MARCHF1: variants seen among roughly 807,000 people sequenced by gnomAD.
The protein encoded by MARCHF1 is E3 ubiquitin-protein ligase MARCHF1.
In MARCHF1, 40 loss-of-function variants were observed where a neutral mutation model predicts 54.2. The ratio of observed to expected loss-of-function variants is 0.74; its 90% CI spans 0.57 to 0.96. MARCHF1 has a LOEUF of 0.96. Ranked by LOEUF, MARCHF1 falls within the 40% of genes least tolerant of loss-of-function variation. The pLI is 0.00. For missense variants in MARCHF1, 586 were observed against 656.5 expected, an observed-to-expected ratio of 0.89 and a Z score of 1.17; for synonymous variants, 236 against 236.3, an observed-to-expected ratio of 1.00 and a Z score of 0.01.
At chr4:163,894,753 CAT>C (rs1162313737) in intron 3 of MARCHF1, among the ~76,000 whole-genome samples, 1 of 20,014 alleles carries the variant, frequency 5.0e-5, no homozygotes, top group Non-Finnish European at 1.4e-4. Context: ...GCATGTGATG[CAT>C]ATATATACAT....
intron 8 of MARCHF1, among the ~76,000 whole-genome samples, chr4:163,574,437 T>C (rs1739965415): frequency 6.6e-6 from 1 of 151,574 alleles, no homozygotes; most frequent in African/African-American, 2.4e-5. Context: ...CTAGGGTTTT[T>C]ATGGTTTTAG....
At chr4:163,559,519 T>A (rs1209607632) in intron 8 of MARCHF1, among the ~76,000 whole-genome samples, 2 of 152,156 alleles carry the variant, frequency 1.3e-5, no homozygotes, top group Admixed American at 1.3e-4. Context: ...CAGACTGTGG[T>A]CCCATTGCTT....
At chr4:164,103,831 GT>G (rs1320110271) in intron 2 of MARCHF1, among the ~76,000 whole-genome samples, 13 of 129,578 alleles carry the variant, frequency 1.0e-4, no homozygotes, top group Non-Finnish European at 1.7e-4. Context: ...CCAGGAGCTG[GT>G]TTTTTGAAAG....
At chr4:163,705,755 T>C (rs765214021) in intron 4 of MARCHF1, among the ~76,000 whole-genome samples, 58 of 152,092 alleles carry the variant, frequency 3.8e-4, no homozygotes, top group Middle Eastern at 6.8e-3. Context: ...ACTACAAAAA[T>C]TATAGAACCT....
intron 2 of MARCHF1, among the ~76,000 whole-genome samples, chr4:164,006,939 A>G (rs1369929651): frequency 7.3e-6 from 1 of 136,428 alleles, no homozygotes; most frequent in African/African-American, 2.7e-5. Context: ...GAGATAATTC[A>G]CCACCATCAT....
intron 3 of MARCHF1, among the ~76,000 whole-genome samples, chr4:163,891,569 A>G (rs192348074): frequency 6.6e-6 from 1 of 151,346 alleles, no homozygotes; most frequent in East Asian, 1.9e-4. Context: ...AAAAAAAGCT[A>G]AAAAAAAACC....
At chr4:163,921,428 C>G (rs1015174094) in intron 3 of MARCHF1, among the ~76,000 whole-genome samples, 3 of 151,994 alleles carry the variant, frequency 2.0e-5, no homozygotes, top group African/African-American at 7.2e-5. Flanking sequence ...TACATGTTTG[C>G]CTTTAATCCA....
intron 5 of MARCHF1, among the ~76,000 whole-genome samples, chr4:163,671,031 G>A (rs1296180088): frequency 6.6e-6 from 1 of 152,176 alleles, no homozygotes; most frequent in Non-Finnish European, 1.5e-5. Flanking sequence ...TTTGCTTGCT[G>A]CTTCAGCCCT....
intron 1 of MARCHF1, among the ~76,000 whole-genome samples, chr4:164,227,666 G>T (rs139920642): frequency 2.0e-5 from 3 of 152,070 alleles, no homozygotes; most frequent in Admixed American, 1.3e-4. Context: ...GAGCACTCTC[G>T]CAATCTCACA....
intron 2 of MARCHF1, among the ~76,000 whole-genome samples, chr4:164,101,839 A>G (rs1043732735): frequency 4.6e-4 from 70 of 152,010 alleles, no homozygotes; most frequent in African/African-American, 1.5e-3. Flanking sequence ...CATTCAAACC[A>G]AAGGCAAATA....
At chr4:163,802,968 C>T (rs375136514) in intron 4 of MARCHF1, among the ~76,000 whole-genome samples, 3 of 152,178 alleles carry the variant, frequency 2.0e-5, no homozygotes, top group East Asian at 1.9e-4. Flanking sequence ...AAAAGGTACT[C>T]ATTCACTATC....
intron 8 of MARCHF1, among the ~76,000 whole-genome samples, chr4:163,567,910 C>G (rs1471034725): frequency 1.3e-5 from 2 of 152,034 alleles, no homozygotes; most frequent in Non-Finnish European, 2.9e-5. Flanking sequence ...CACTGTATGA[C>G]AATATCTTGC....
chr4:164,175,096 C>T (rs896849517), intron 1 of MARCHF1, among the ~76,000 whole-genome samples: 2 of 152,138 alleles, frequency 1.3e-5, no homozygotes, highest in Non-Finnish European at 2.9e-5. Flanking sequence ...CTACACAAAC[C>T]TCAACCTATT....
At chr4:164,355,746 A>G (rs1229725440) in intron 1 of MARCHF1, among the ~76,000 whole-genome samples, 4 of 104,186 alleles carry the variant, frequency 3.8e-5, no homozygotes, top group Admixed American at 2.1e-4. Context: ...ACTGGCAACA[A>G]AAGCCAAAAT....
At chr4:163,778,316 T>C (rs866411338) in intron 4 of MARCHF1, among the ~76,000 whole-genome samples, 11 of 152,318 alleles carry the variant, frequency 7.2e-5, no homozygotes, top group African/African-American at 2.6e-4. Flanking sequence ...GATAAATATA[T>C]ATTTGACTTC....
chr4:164,024,759 G>T (rs1753731444), intron 2 of MARCHF1, among the ~76,000 whole-genome samples: 1 of 151,978 alleles, frequency 6.6e-6, no homozygotes, highest in Admixed American at 6.6e-5. Context: ...AAATGTAAAT[G>T]GTCTAAACAC....
intron 2 of MARCHF1, among the ~76,000 whole-genome samples, chr4:164,103,868 G>C (rs1475360935): frequency 7.1e-6 from 1 of 141,314 alleles, no homozygotes; most frequent in Non-Finnish European, 1.5e-5. Context: ...TAGACTGCTA[G>C]CAAGACTAAT....
At position 163,762,485 on chromosome 4, in the gene MARCHF1, C is replaced by T. The variant is rs1259633618; in HGVS notation, c.112-61622G>A. Among the ~76,000 whole-genome samples the T allele has an allele frequency of 3.3e-5, 5 of 151,852 alleles. No homozygotes were observed. In the East Asian group the frequency reaches 9.6e-4, roughly 29 times the overall value. On this transcript the variant is annotated intron_variant, in intron 4 of 9. Transcript: ENST00000514618. ...ATTGCATTACTTGTGCTATTTTTTC[C>T]TTCAAAATGTCCTGATTGTCCAAAT...
At chr4:163,646,662 G>GT (rs1171008385) in intron 5 of MARCHF1, among the ~76,000 whole-genome samples, 10 of 152,028 alleles carry the variant, frequency 6.6e-5, no homozygotes, top group Non-Finnish European at 1.2e-4. Context: ...TAAAAATGTA[G>GT]TTTTTTATGT....
Sources: allele counts gnomAD v4.1 joint callset (sites outside exome capture counted in the v4.1 genomes callset), GRCh38; gene constraint gnomAD v4.1.1; transcripts MANE v1.5; gene names NCBI Gene and HGNC (gene_info 2026-07-23, HGNC 2026-07-21).